GALNT18: variants seen among roughly 807,000 people sequenced by gnomAD.
GALNT18 encodes GalNAc-transferase 18.
In GALNT18, 44 loss-of-function variants were observed where a neutral mutation model predicts 69.5. That is an observed-to-expected ratio of 0.63 (90% confidence interval 0.50 to 0.81). GALNT18 has a LOEUF of 0.81. Among genes scored for constraint, GALNT18 ranks in the 40% least tolerant of loss-of-function variants. The pLI, the probability that GALNT18 is intolerant of heterozygous loss-of-function variation, is 0.00. For missense variants in GALNT18, 715 were observed against 810.0 expected (o/e 0.88, Z 1.42); for synonymous variants, 364 against 318.2 (o/e 1.14, Z -1.53).
At chr11:11,310,749 C>A (rs1165914312) in intron 9 of GALNT18, among the ~76,000 whole-genome samples, 1 of 152,188 alleles carries the variant, frequency 6.6e-6, no homozygotes, top group African/African-American at 2.4e-5. Context: ...CCGGGCAGGG[C>A]TAATGCAGAG....
chr11:11,359,513 T>C (rs530328426), intron 6 of GALNT18, among the ~76,000 whole-genome samples: 1 of 152,312 alleles, frequency 6.6e-6, no homozygotes, highest in African/African-American at 2.4e-5. Context: ...CTTTTCTGGC[T>C]CCTCTCATTT....
Position 11,326,067 on chromosome 11 carries a change from C to T in GALNT18, c.1512+1019G>A, listed in dbSNP as rs139242903. Among the ~76,000 whole-genome samples the T allele has an allele frequency of 5.8e-3, 701 of 121,584 alleles. 4 individuals carry two copies. Among genetic ancestry groups the T allele is most frequent in the African/African-American group, 0.021 (671 of 31,884 alleles). The allele number at this position is 121,584 out of a possible 152,430, so 79.8% of individuals were successfully genotyped here. ...TTTTTTTTTTTTTTTTTTTTTGAGACGGAATCTCGCTCTGTCGCCCAGGCC... is the reference window on the plus strand; with the variant it reads ...TTTTTTTTTTTTTTTTTTTTTGAGATGGAATCTCGCTCTGTCGCCCAGGCC... On this transcript the variant is annotated intron_variant, in intron 9 of 10. Coordinates refer to ENST00000227756, the MANE Select transcript of GALNT18 (RefSeq NM_198516.3).
chr11:11,293,167 C>T lies in GALNT18; in HGVS notation c.1539G>A (p.Gln513=), dbSNP rs751676341. The change falls in exon 10 of 11, where the codon CAG becomes CAA. Residue 513 remains glutamine, a synonymous_variant. Transcript: ENST00000227756. ...PQNVYYTSSQ[Q]IHVGILSPTV... ...TGGGGCTCAGAATGCCCACATGGAT[C>T]TGCTGACTGCTCGTGTAGTACACGT... is the stretch of plus-strand genomic sequence containing the variant. 1.5e-6 allele frequency: 2 copies of T among 1,341,702 alleles called. No homozygotes were observed. Among genetic ancestry groups the T allele is most frequent in the African/African-American group, 3.0e-5 (2 of 66,596 alleles). The allele number at this position is 1,341,702 out of a possible 1,614,324, so 83.1% of individuals were successfully genotyped here. A position where few individuals can be genotyped will look rare whatever the true frequency, so the allele number is the denominator to read the frequency against.
At chr11:11,271,456 A>G (rs111788133) in intron 10 of GALNT18, among the ~76,000 whole-genome samples, 166 bp from the exon 11 acceptor site, 1,914 of 152,216 alleles carry the variant, frequency 0.013, 31 homozygotes, top group African/African-American at 0.043. Flanking sequence ...CTCATATATT[A>G]GTCTCCTCTG....
At chr11:11,529,337 A>G (rs529883720) in intron 1 of GALNT18, among the ~76,000 whole-genome samples, 46 of 152,336 alleles carry the variant, frequency 3.0e-4, no homozygotes, top group Non-Finnish European at 5.4e-4. Context: ...ACCTGAATAG[A>G]ACAAAAGGCT....
Position 11,505,624 on chromosome 11 carries a change from T to C in GALNT18, c.236-56688A>G, listed in dbSNP as rs1198868044. On this transcript the variant is annotated intron_variant, in intron 1 of 10. Coordinates refer to ENST00000227756, the MANE Select transcript of GALNT18 (RefSeq NM_198516.3). The surrounding 1 kb of genome is among the most constrained non-coding windows in gnomAD (Gnocchi z 4.6). ...CTGGATTCAGTCTCCGACATCCCAA[T>C]GAAAGCATTCTCACTAAGATTTCCA... 6.6e-6 allele frequency among the ~76,000 whole-genome samples: 1 copy of C among 152,212 alleles called. No individual in the cohort carries two copies. Among genetic ancestry groups the C allele is most frequent in the Non-Finnish European group, 1.5e-5 (1 of 68,040 alleles).
intron 6 of GALNT18, among the ~76,000 whole-genome samples, chr11:11,366,457 CTTG>C (rs1365196985): frequency 2.0e-5 from 3 of 152,118 alleles, no homozygotes; most frequent in Non-Finnish European, 2.9e-5. Flanking sequence ...TTAATTTCTT[CTTG>C]TTATCTTTAC....
At position 11,309,799 on chromosome 11, in the gene GALNT18, A is replaced by T. The variant is rs2133027811; in HGVS notation, c.1513-16606T>A. The stretch of plus-strand genomic sequence containing the variant: ...ACATACCCAGATCCCCTTATGCTTC[A>T]GTTGCAAGACAGCCTGCAAACTTGT... On this transcript the variant is annotated intron_variant, in intron 9 of 10. Transcript: ENST00000227756. The surrounding 1 kb of genome is among the most constrained non-coding windows in gnomAD (Gnocchi z 4.6). Among the ~76,000 whole-genome samples the T allele has an allele frequency of 6.6e-6, 1 of 152,248 alleles. No homozygotes were observed. The highest frequency in any genetic ancestry group is 1.9e-4 in the East Asian group (1 of 5,184).
chr11:11,287,230 G>A (rs1449276807), intron 10 of GALNT18, among the ~76,000 whole-genome samples: 1 of 152,168 alleles, frequency 6.6e-6, no homozygotes, highest in African/African-American at 2.4e-5. Context: ...CAATCCTTTA[G>A]CCATGAATTC....
In GALNT18 at chr11:11,538,061, A is replaced by G. The variant is rs1018850395; in HGVS notation, c.235+83298T>C. Among the ~76,000 whole-genome samples, 1 of 152,218 alleles carries G rather than the reference A, an allele frequency of 6.6e-6. No individual in the cohort carries two copies. The highest frequency in any genetic ancestry group is 1.5e-5 in the Non-Finnish European group (1 of 68,042). ...CCAGACACTGCTGAGTGTTTTACTA[A>G]TCTTATTTATGTTAACTCTTATCAC... On this transcript the variant is annotated intron_variant, in intron 1 of 10. Coordinates refer to ENST00000227756, the MANE Select transcript of GALNT18 (RefSeq NM_198516.3). The surrounding 1 kb of genome is among the most constrained non-coding windows in gnomAD (Gnocchi z 5.2).
intron 1 of GALNT18, among the ~76,000 whole-genome samples, chr11:11,499,040 A>T (rs1321277069): frequency 6.6e-6 from 1 of 152,228 alleles, no homozygotes; most frequent in Non-Finnish European, 1.5e-5. Flanking sequence ...CAAACTGCTG[A>T]CAGTTACTAT....
chr11:11,283,109 G>A (rs1320709312), intron 10 of GALNT18, among the ~76,000 whole-genome samples: 1 of 152,112 alleles, frequency 6.6e-6, no homozygotes, highest in Non-Finnish European at 1.5e-5. Context: ...AGGTCCAAGA[G>A]GTGCGGGTAA....
Position 11,564,600 on chromosome 11 carries a change from G to C in GALNT18, c.235+56759C>G, listed in dbSNP as rs1166348764. Among the ~76,000 whole-genome samples, 1 of 152,142 alleles carries C rather than the reference G, an allele frequency of 6.6e-6. No individual in the cohort carries two copies. The highest frequency in any genetic ancestry group is 2.4e-5 in the African/African-American group (1 of 41,422). On this transcript the variant is annotated intron_variant, in intron 1 of 10. Transcript: ENST00000227756. This position sits in a 1 kb window ranked among gnomAD's most constrained non-coding sequence, Gnocchi z 4.3. ...AGCTCATCAGCACGGTGGCAATGCA[G>C]GCAGCCCCCAATTCCAGAACAAATT...
intron 1 of GALNT18, among the ~76,000 whole-genome samples, chr11:11,487,641 A>G (rs1856671627): frequency 6.6e-6 from 1 of 152,144 alleles, no homozygotes; most frequent in Admixed American, 6.5e-5. Flanking sequence ...GCTGAGCTTG[A>G]AGGTTTCCAT....
At chr11:11,486,978 C>T (rs954169215) in intron 1 of GALNT18, among the ~76,000 whole-genome samples, 6 of 152,218 alleles carry the variant, frequency 3.9e-5, no homozygotes, top group Non-Finnish European at 4.4e-5. Flanking sequence ...GTTTCCCCAG[C>T]CACCACAGTC....
chr11:11,509,589 T>C (rs999323431), intron 1 of GALNT18, among the ~76,000 whole-genome samples: 5 of 152,240 alleles, frequency 3.3e-5, no homozygotes, highest in Non-Finnish European at 7.3e-5. Context: ...GAGAGAAAGC[T>C]TGGAGTCACA....
At chr11:11,565,162 C>A (rs1474795892) in intron 1 of GALNT18, among the ~76,000 whole-genome samples, 1 of 152,234 alleles carries the variant, frequency 6.6e-6, no homozygotes, top group African/African-American at 2.4e-5. Context: ...TCCACTGCCT[C>A]ATCTGGAGCA....
At chr11:11,449,061 G>T in intron 1 of GALNT18, 125 bp from the exon 2 acceptor site, 1 of 788,046 alleles carries the variant, frequency 1.3e-6, no homozygotes, top group Non-Finnish European at 1.9e-6. Flanking sequence ...TTCGGGGTCA[G>T]TGCTGACTTG....
intron 3 of GALNT18, among the ~76,000 whole-genome samples, chr11:11,410,412 G>C (rs1314902969): frequency 6.6e-6 from 1 of 152,042 alleles, no homozygotes; most frequent in Non-Finnish European, 1.5e-5. Context: ...TGGAATATTG[G>C]GGGGAAGGGA....
Sources: gnomAD v4.1 joint callset for allele counts (sites outside exome capture counted in the v4.1 genomes callset) on GRCh38, gnomAD v4.1.1 for gene constraint, Gnocchi (gnomAD v3.1) non-coding constraint, MANE v1.5 for transcripts, NCBI Gene and HGNC (gene_info 2026-07-23, HGNC 2026-07-21) for gene names.